The following GLT1D1 variants were observed in gnomAD, a reference collection of about 807,000 sequenced individuals.
GLT1D1 encodes glycosyltransferase 1 domain containing 1, also known as glycosyltransferase 1 domain-containing protein 1.
Under a neutral mutation model 28.7 loss-of-function variants are expected in GLT1D1, and 21 were observed. That is an observed-to-expected ratio of 0.73 (90% CI 0.52 to 1.05). GLT1D1 has a LOEUF of 1.05. Ranked by LOEUF, GLT1D1 falls within the 50% of genes least tolerant of loss-of-function variation. The pLI is 0.00. For synonymous variants in GLT1D1, 147 were observed against 124.8 expected, an observed-to-expected ratio of 1.18 and a Z score of -1.19; for missense variants, 343 against 330.6, an observed-to-expected ratio of 1.04 and a Z score of -0.29.
At chr12:128,922,274 C>T (rs1360553133) in intron 4 of GLT1D1, among the ~76,000 whole-genome samples, 2 of 151,946 alleles carry the variant, frequency 1.3e-5, no homozygotes, top group African/African-American at 4.8e-5. Context: ...GTGTACTGTA[C>T]AGGTATTATA....
chr12:128,864,247 G>A (rs1956460256), intron 1 of GLT1D1: 3 of 549,856 alleles, frequency 5.5e-6, no homozygotes, highest in Non-Finnish European at 9.9e-6. Flanking sequence ...GGCTGAAGAT[G>A]AGAAGCTGAG....
At chr12:128,976,691 T>C (rs574371152) in intron 7 of GLT1D1, among the ~76,000 whole-genome samples, 7 of 152,254 alleles carry the variant, frequency 4.6e-5, no homozygotes, top group African/African-American at 1.7e-4. Context: ...CAGAATGTAA[T>C]GCTCTTTAAA....
chr12:128,883,997 G>A (rs1008988170), intron 2 of GLT1D1, among the ~76,000 whole-genome samples: 5 of 152,142 alleles, frequency 3.3e-5, no homozygotes, highest in African/African-American at 1.2e-4. Context: ...GTGAATAAGA[G>A]TTTATAAATA....
intron 1 of GLT1D1, among the ~76,000 whole-genome samples, chr12:128,875,033 C>T (rs1427626695): frequency 2.7e-5 from 4 of 147,904 alleles, no homozygotes; most frequent in African/African-American, 1.0e-4. Flanking sequence ...AGAGAAGAGA[C>T]ATGTTTGAAA....
intron 4 of GLT1D1, among the ~76,000 whole-genome samples, chr12:128,917,230 C>T (rs1872191488): frequency 6.6e-6 from 1 of 152,078 alleles, no homozygotes; most frequent in Non-Finnish European, 1.5e-5. Flanking sequence ...AATAGTAAGT[C>T]TAGAAACCAA....
intron 7 of GLT1D1, 53 bp from the exon 12 acceptor site, chr12:128,982,876 C>T (rs1880474519): frequency 1.3e-6 from 2 of 1,583,658 alleles, no homozygotes; most frequent in Admixed American, 1.7e-5. Flanking sequence ...GGTGCATTTG[C>T]AAAATCTCCC....
intron 7 of GLT1D1, among the ~76,000 whole-genome samples, chr12:128,977,652 GAT>G: frequency 6.6e-6 from 1 of 152,172 alleles, no homozygotes. Flanking sequence ...TCCCACCGCT[GAT>G]CAGGAACAGG....
intron 6 of GLT1D1, among the ~76,000 whole-genome samples, chr12:128,948,014 G>A (rs918961157): frequency 1.3e-5 from 2 of 152,134 alleles, no homozygotes; most frequent in East Asian, 1.9e-4. Context: ...TTGACAAAAT[G>A]TGTCTATCCC....
chr12:128,919,755 A>C (rs1872462619), intron 4 of GLT1D1, among the ~76,000 whole-genome samples: 1 of 152,232 alleles, frequency 6.6e-6, no homozygotes, highest in Non-Finnish European at 1.5e-5. Flanking sequence ...GCATTTCTAG[A>C]TACATTTTAA....
At chr12:128,951,545 C>T (rs1050122673) in intron 6 of GLT1D1, among the ~76,000 whole-genome samples, 7 of 152,180 alleles carry the variant, frequency 4.6e-5, no homozygotes, top group African/African-American at 1.7e-4. Flanking sequence ...ATCTTGGATC[C>T]TGACATTTCA....
chr12:128,938,352 T>C (rs1874774756), intron 4 of GLT1D1, among the ~76,000 whole-genome samples: 1 of 152,252 alleles, frequency 6.6e-6, no homozygotes, highest in Non-Finnish European at 1.5e-5. Context: ...GCTATAATTT[T>C]TCTCTTGAAA....
At chr12:128,965,710 TAAAAAAAA>T (rs757636287) in intron 7 of GLT1D1, among the ~76,000 whole-genome samples, 19 of 104,728 alleles carry the variant, frequency 1.8e-4, no homozygotes, top group South Asian at 7.4e-4. Flanking sequence ...TGTCTCTGCT[TAAAAAAAA>T]AAAAAAAAAA....
rs1877430977 is a variant in GLT1D1, at chr12:128,957,575, A to G, written c.571A>G (p.Arg191Gly). ...GGATTTAGAAGTACCGGTATTGGCC[A>G]GGAACATCCCCGGGAATGCTGCCGT... The change falls in exon 7 of 8, where the codon AGG (arginine) becomes GGG (glycine). Residue 191 changes from arginine to glycine, a missense_variant. By Grantham distance (125) the Arg-to-Gly change is moderately radical (BLOSUM62 -2). Transcript: ENST00000281703. 1.2e-6 allele frequency: 2 copies of G among 1,613,854 alleles called. No individual in the cohort carries two copies. Among genetic ancestry groups the G allele is most frequent in the Non-Finnish European group, 1.7e-6 (2 of 1,179,750 alleles).
intron 6 of GLT1D1, among the ~76,000 whole-genome samples, chr12:128,948,326 T>C (rs1183583059): frequency 6.6e-6 from 1 of 152,168 alleles, no homozygotes; most frequent in Admixed American, 6.5e-5. Flanking sequence ...TCGTTGTTAG[T>C]TCATTGCCCT....
chr12:128,853,578 C>A lies in GLT1D1; in HGVS notation c.-4C>A. 8.9e-7 allele frequency: 1 copy of A among 1,121,246 alleles called. No homozygotes were observed. The allele number at this position is 1,121,246 out of a possible 1,614,324, so 69.5% of individuals were successfully genotyped here. On this transcript the variant is annotated 5_prime_UTR_variant, in exon 1 of 8. Transcript: ENST00000281703. ...CGGTCGATGGCCCGGGCGGCGGCGGCGGCATGCGGCTCCTGTTCCTGGCGG... is the reference window on the plus strand; with the variant it reads ...CGGTCGATGGCCCGGGCGGCGGCGGAGGCATGCGGCTCCTGTTCCTGGCGG...
At chr12:128,969,800 G>A (rs1031406288) in intron 7 of GLT1D1, among the ~76,000 whole-genome samples, 2 of 152,200 alleles carry the variant, frequency 1.3e-5, no homozygotes, top group East Asian at 1.9e-4. Flanking sequence ...GCATCTCTGC[G>A]TCATCCTGAC....
At chr12:128,915,951 C>T (rs1452083065) in intron 4 of GLT1D1, among the ~76,000 whole-genome samples, 2 of 152,158 alleles carry the variant, frequency 1.3e-5, no homozygotes, top group African/African-American at 4.8e-5. Flanking sequence ...ACCCATGTGA[C>T]AAATACCCCA....
intron 7 of GLT1D1, among the ~76,000 whole-genome samples, chr12:128,961,554 G>A (rs1405107578): frequency 6.6e-6 from 1 of 152,208 alleles, no homozygotes; most frequent in East Asian, 1.9e-4. Context: ...GTGAAATACG[G>A]TAGGCAAAGA....
intron 7 of GLT1D1, among the ~76,000 whole-genome samples, chr12:128,977,006 C>T (rs1163897406): frequency 2.6e-5 from 4 of 152,126 alleles, no homozygotes; most frequent in African/African-American, 7.2e-5. Context: ...ATTAGTCGGG[C>T]GTGGTGGCAC....
Sources: gnomAD v4.1 joint callset for allele counts (sites outside exome capture counted in the v4.1 genomes callset) on GRCh38, gnomAD v4.1.1 for gene constraint, MANE v1.5 for transcripts, NCBI Gene and HGNC (gene_info 2026-07-23, HGNC 2026-07-21) for gene names.